The following ATP11B variants were observed in gnomAD, a reference collection of about 807,000 sequenced individuals.
ATP11B encodes ATPase phospholipid transporting 11B (putative).
ATP11B carries 81 observed loss-of-function variants against 157.8 expected under a neutral mutation model. The observed-to-expected ratio is 0.51, with a 90% confidence interval of 0.43 to 0.62. The LOEUF (loss-of-function observed/expected upper bound fraction) is 0.62. Ranked by LOEUF, ATP11B falls within the 20% of genes least tolerant of loss-of-function variation. The pLI, the probability that ATP11B is intolerant of heterozygous loss-of-function variation, is 0.00. For synonymous variants in ATP11B, 451 were observed against 469.4 expected (o/e 0.96, Z 0.51); for missense variants, 1,165 against 1,402.2 (o/e 0.83, Z 2.70).
chr3:182,806,594 A>G (rs556012276), intron 1 of ATP11B, among the ~76,000 whole-genome samples: 156 of 152,060 alleles, frequency 1.0e-3, no homozygotes, highest in African/African-American at 3.5e-3. Context: ...TAGTCCACCA[A>G]TTCTCTTGTT....
At chr3:182,823,000 G>A (rs1717469384) in intron 2 of ATP11B, among the ~76,000 whole-genome samples, 1 of 152,170 alleles carries the variant, frequency 6.6e-6, no homozygotes, top group Admixed American at 6.5e-5. Flanking sequence ...GTTCTTTGTA[G>A]ATTCTGGATA....
In ATP11B at chr3:182,919,417, C is replaced by G. The variant is rs1361120913; in HGVS notation, c.*1313C>G. ...GTAATTAACTCATTGCACTTCAAAA[C>G]CTAACTTCCATCCTGAATTTATCAA... On this transcript the variant is annotated 3_prime_UTR_variant, in exon 30 of 30. Coordinates refer to ENST00000323116, the MANE Select transcript of ATP11B (RefSeq NM_014616.3). 1 of 152,600 alleles carries G rather than the reference C, an allele frequency of 6.6e-6. No homozygotes were observed. Among genetic ancestry groups the G allele is most frequent in the Non-Finnish European group, 1.5e-5 (1 of 68,030 alleles). The allele number at this position is 152,600 out of a possible 1,614,324, so 9.5% of individuals were successfully genotyped here.
intron 10 of ATP11B, among the ~76,000 whole-genome samples, chr3:182,854,939 A>AC (rs1476239618): frequency 2.0e-5 from 3 of 152,186 alleles, no homozygotes; most frequent in Non-Finnish European, 2.9e-5. Flanking sequence ...AATAAATGGA[A>AC]CAATATATCA....
chr3:182,805,019 A>G (rs1433273570), intron 1 of ATP11B, among the ~76,000 whole-genome samples: 4 of 152,154 alleles, frequency 2.6e-5, no homozygotes, highest in African/African-American at 7.2e-5. Flanking sequence ...TTTTTAATTC[A>G]TCCATCAATT....
In ATP11B at chr3:182,889,537, G is replaced by C; in HGVS notation, c.2971G>C (p.Gly991Arg). 1 of 1,551,112 alleles carries C rather than the reference G, an allele frequency of 6.4e-7. No individual in the cohort carries two copies. Among genetic ancestry groups the C allele is most frequent in the Non-Finnish European group, 8.6e-7 (1 of 1,158,978 alleles). The change falls in exon 25 of 30, where the codon GGA becomes CGA. Residue 991 changes from glycine to arginine, a missense_variant. Around this residue, in one of 4 missense-constraint regions of ATP11B, gnomAD observed 303 missense variants for 296.3 expected, o/e 1.02. Coordinates refer to ENST00000323116, the MANE Select transcript of ATP11B (RefSeq NM_014616.3). ...LLIGKDTSLL[G>R]NGQMFGNWTF... The stretch of plus-strand genomic sequence containing the variant: ...AATAGGGAAAGATACATCTCTGCTT[G>C]GAAATGGCCAGGTAAAGTATATAGT...
chr3:182,824,835 T>C (rs541287101), intron 2 of ATP11B, among the ~76,000 whole-genome samples: 2 of 152,356 alleles, frequency 1.3e-5, no homozygotes, highest in South Asian at 2.1e-4. Context: ...TGTTGAACTT[T>C]CCTACCACTG....
intron 25 of ATP11B, among the ~76,000 whole-genome samples, chr3:182,890,940 T>G (rs543458312): frequency 6.6e-6 from 1 of 152,298 alleles, no homozygotes; most frequent in African/African-American, 2.4e-5. Context: ...CTAATGTAAA[T>G]GATGAGTTAA....
At chr3:182,893,437 G>A (rs1723309197) in intron 25 of ATP11B, among the ~76,000 whole-genome samples, 1 of 152,088 alleles carries the variant, frequency 6.6e-6, no homozygotes, top group Non-Finnish European at 1.5e-5. Flanking sequence ...GAGAACATAA[G>A]ATGTTTGGTT....
At chr3:182,820,454 C>A in intron 2 of ATP11B, 78 bp downstream of exon 2, 2 of 967,842 alleles carry the variant, frequency 2.1e-6, no homozygotes, top group Non-Finnish European at 3.3e-6. Flanking sequence ...GAGGCCAAGG[C>A]GAGAGGATCG....
intron 2 of ATP11B, among the ~76,000 whole-genome samples, chr3:182,821,738 C>T (rs948165828): frequency 6.6e-6 from 1 of 152,184 alleles, no homozygotes; most frequent in African/African-American, 2.4e-5. Context: ...ATGTCAGTAG[C>T]TACATGTGAC....
intron 28 of ATP11B, among the ~76,000 whole-genome samples, chr3:182,905,165 G>A (rs1724257455): frequency 1.3e-5 from 2 of 152,112 alleles, no homozygotes; most frequent in Admixed American, 6.5e-5. Flanking sequence ...AGGCAAAATT[G>A]TTTTTTATTC....
At chr3:182,890,367 G>A (rs930419168) in intron 25 of ATP11B, among the ~76,000 whole-genome samples, 2 of 152,142 alleles carry the variant, frequency 1.3e-5, no homozygotes, top group Non-Finnish European at 2.9e-5. Flanking sequence ...ATTTGCAATT[G>A]GAAGAATATA....
At chr3:182,900,159 C>T (rs1251100607) in intron 28 of ATP11B, among the ~76,000 whole-genome samples, 1 of 152,076 alleles carries the variant, frequency 6.6e-6, no homozygotes, top group African/African-American at 2.4e-5. Context: ...CTTTGATAAC[C>T]GAATCCTAGC....
chr3:182,916,479 C>A, intron 29 of ATP11B: 1 of 985,242 alleles, frequency 1.0e-6, no homozygotes, highest in Non-Finnish European at 1.2e-6. Context: ...AATGAAGTAT[C>A]CCATATTGCA....
chr3:182,848,586 T>C (rs763019431), intron 10 of ATP11B, 29 bp downstream of exon 10: 2 of 1,326,818 alleles, frequency 1.5e-6, no homozygotes, highest in African/African-American at 1.5e-5. Flanking sequence ...TTTATTTATA[T>C]GTAATTATAA....
At chr3:182,897,494 C>T in intron 27 of ATP11B, 88 bp downstream of exon 27, 1 of 956,504 alleles carries the variant, frequency 1.0e-6, no homozygotes, top group Non-Finnish European at 1.5e-6. Flanking sequence ...ATATTCTGCT[C>T]ATAACAGATT....
intron 28 of ATP11B, among the ~76,000 whole-genome samples, chr3:182,900,717 T>G (rs933684083): frequency 6.6e-6 from 1 of 152,184 alleles, no homozygotes; most frequent in African/African-American, 2.4e-5. Context: ...ACAGTTATAT[T>G]TCACCAAAAT....
At chr3:182,873,641 C>T (rs375765823) in intron 18 of ATP11B, among the ~76,000 whole-genome samples, 171 bp from the exon 19 acceptor site, 2 of 152,144 alleles carry the variant, frequency 1.3e-5, no homozygotes, top group Admixed American at 6.5e-5. Flanking sequence ...TCTGTTTATT[C>T]GTGTTTCCTT....
chr3:182,794,302 G>A (rs987508016), intron 1 of ATP11B, among the ~76,000 whole-genome samples: 1 of 152,146 alleles, frequency 6.6e-6, no homozygotes, highest in Non-Finnish European at 1.5e-5. Flanking sequence ...GTTGATTCCC[G>A]AGGAGGAGGC....
Sources: gnomAD v4.1 joint callset for allele counts (sites outside exome capture counted in the v4.1 genomes callset) on GRCh38, gnomAD v4.1.1 for gene constraint, gnomAD v4.1.1 regional missense constraint, MANE v1.5 for transcripts, NCBI Gene and HGNC (gene_info 2026-07-23, HGNC 2026-07-21) for gene names.